The following KNTC1 variants were observed in gnomAD, a reference collection of about 807,000 sequenced individuals.
The protein encoded by KNTC1 is kinetochore-associated protein 1.
Under a neutral mutation model 314.4 loss-of-function variants are expected in KNTC1, and 253 were observed. The ratio of observed to expected loss-of-function variants is 0.80; its 90% CI spans 0.73 to 0.89. The LOEUF (loss-of-function observed/expected upper bound fraction) is 0.89, where lower values mean the gene tolerates loss of function less well. KNTC1 is among the 40% of genes least tolerant of loss of function. The pLI, the probability that KNTC1 is intolerant of heterozygous loss-of-function variation, is 0.00. For synonymous variants in KNTC1, 901 were observed against 901.4 expected, an observed-to-expected ratio of 1.00 and a Z score of 0.01; for missense variants, 2,475 against 2,572.9, an observed-to-expected ratio of 0.96 and a Z score of 0.82.
In KNTC1 at chr12:122,557,065, T is replaced by G. The variant is rs1651903237; in HGVS notation, c.1273-319T>G. On this transcript the variant is annotated intron_variant, in intron 16 of 63. Transcript: ENST00000333479. ...TTCTAGACTGAACAATATTTTACTG[T>G]GCAAATATACCACATTTTATTTATT... Among the ~76,000 whole-genome samples, 3 of 152,104 alleles carry G rather than the reference T, an allele frequency of 2.0e-5. No homozygotes were observed. The South Asian group carries it at 6.2e-4, about 32-fold the overall frequency.
At chr12:122,584,023 G>A (rs1868846440) in intron 34 of KNTC1, among the ~76,000 whole-genome samples, 1 of 152,128 alleles carries the variant, frequency 6.6e-6, no homozygotes, top group Non-Finnish European at 1.5e-5. Flanking sequence ...TACTTGGGAG[G>A]CTGAAGTGAG....
chr12:122,575,945 G>A (rs1490408492), intron 29 of KNTC1, 46 bp downstream of exon 29: 22 of 1,544,084 alleles, frequency 1.4e-5, no homozygotes, highest in Admixed American at 4.4e-5. Context: ...CATTTCTGGG[G>A]CAATATGGAA....
At chr12:122,600,307 C>A (rs974559606) in intron 44 of KNTC1, among the ~76,000 whole-genome samples, 1 of 152,146 alleles carries the variant, frequency 6.6e-6, no homozygotes, top group Non-Finnish European at 1.5e-5. Flanking sequence ...CCATGTTGGC[C>A]AGGCTGGTCT....
At chr12:122,617,502 G>T in intron 57 of KNTC1, 1 of 352,452 alleles carries the variant, frequency 2.8e-6, no homozygotes, top group Non-Finnish European at 5.8e-6. Context: ...GGGATTACAG[G>T]TGTGAGCCAC....
intron 52 of KNTC1, 79 bp from the exon 53 acceptor site, chr12:122,610,743 T>C (rs1374141320): frequency 1.8e-5 from 16 of 912,356 alleles, no homozygotes; most frequent in East Asian, 7.4e-5. Flanking sequence ...GACCGTTCCA[T>C]GGATAGAAAG....
intron 39 of KNTC1, 47 bp from the exon 40 acceptor site, chr12:122,588,665 T>A (rs2138028753): frequency 7.6e-7 from 1 of 1,309,390 alleles, no homozygotes; most frequent in Admixed American, 3.2e-5. Flanking sequence ...ATTTTCAGAA[T>A]GTTATATAGA....
At chr12:122,546,408 A>G (rs917828603) in intron 9 of KNTC1, 139 bp downstream of exon 9, 14 of 670,056 alleles carry the variant, frequency 2.1e-5, no homozygotes, top group Non-Finnish European at 3.4e-5. Flanking sequence ...GGTTGTTCAC[A>G]TACAGAACAG....
chr12:122,601,470 T>C (rs1467917642), intron 44 of KNTC1, 66 bp from the exon 45 acceptor site: 4 of 1,283,708 alleles, frequency 3.1e-6, no homozygotes, highest in Non-Finnish European at 4.3e-6. Context: ...CTGATTATTG[T>C]AATTGAATAA....
intron 3 of KNTC1, 50 bp from the exon 4 acceptor site, chr12:122,538,289 A>G (rs760642158): frequency 4.6e-6 from 5 of 1,088,716 alleles, no homozygotes; most frequent in Non-Finnish European, 6.7e-6. Context: ...TTTTGTATTG[A>G]AAATAAAGAT....
At chr12:122,527,704 T>G (rs1349607935) in intron 1 of KNTC1, 1 of 152,260 alleles carries the variant, frequency 6.6e-6, no homozygotes, top group Non-Finnish European at 1.5e-5. Context: ...TCCACTGCTC[T>G]CTCCCTCACT....
At chr12:122,580,512 G>A (rs1218223890) in intron 32 of KNTC1, 91 bp from the exon 33 acceptor site, 1 of 746,990 alleles carries the variant, frequency 1.3e-6, no homozygotes, top group Non-Finnish European at 2.3e-6. Flanking sequence ...TGAGATGAGA[G>A]AACCAAAGCT....
At chr12:122,546,112 C>T (rs2137739459) in intron 8 of KNTC1, 64 bp from the exon 9 acceptor site, 1 of 935,070 alleles carries the variant, frequency 1.1e-6, no homozygotes. Flanking sequence ...CATGTTTCTA[C>T]TTTGAGGAAG....
intron 1 of KNTC1, among the ~76,000 whole-genome samples, chr12:122,529,641 A>G (rs542046013): frequency 1.3e-5 from 2 of 152,342 alleles, no homozygotes; most frequent in South Asian, 4.1e-4. Flanking sequence ...GTTTGCTGCT[A>G]TTAAAGGTTT....
intron 31 of KNTC1, 44 bp from the exon 32 acceptor site, chr12:122,579,861 G>A (rs373315116): frequency 6.6e-6 from 9 of 1,373,956 alleles, no homozygotes; most frequent in African/African-American, 5.7e-5. Flanking sequence ...GAAGTGGTCA[G>A]AAAAGGAAGT....
chr12:122,591,186 G>A (rs7314410), intron 41 of KNTC1, 151 bp from the exon 42 acceptor site: 54,291 of 588,416 alleles, frequency 0.092, 3,051 homozygotes, highest in Middle Eastern at 0.15. Context: ...TAAATATTAC[G>A]TAAGAAGTAA....
chr12:122,583,186 C>T (rs1480807483), intron 34 of KNTC1, among the ~76,000 whole-genome samples: 1 of 152,054 alleles, frequency 6.6e-6, no homozygotes, highest in Non-Finnish European at 1.5e-5. Flanking sequence ...TGGCATGTGC[C>T]TATAGTCCCA....
At chr12:122,623,983 G>T (rs1052943512) in intron 62 of KNTC1, among the ~76,000 whole-genome samples, 1 of 152,058 alleles carries the variant, frequency 6.6e-6, no homozygotes, top group Non-Finnish European at 1.5e-5. Context: ...CAGGAGAATC[G>T]CTTGAACCCA....
intron 39 of KNTC1, among the ~76,000 whole-genome samples, chr12:122,588,442 T>C (rs1478236725): frequency 6.6e-6 from 1 of 152,186 alleles, no homozygotes; most frequent in Non-Finnish European, 1.5e-5. Flanking sequence ...TATTGAGGTA[T>C]AACTTTCAAA....
Position 122,575,516 on chromosome 12 carries a change from C to A in KNTC1, c.2383-27C>A, listed in dbSNP as rs1226097304. Reference sequence around the variant, plus strand: ...ATGCATCGTAAACCTGAGGGCTGTTCCTTGTCCATGCGTGCATCTTTTGTA... The same window carrying A: ...ATGCATCGTAAACCTGAGGGCTGTTACTTGTCCATGCGTGCATCTTTTGTA... On this transcript the variant is annotated intron_variant, in intron 27 of 63. Coordinates refer to ENST00000333479, the MANE Select transcript of KNTC1 (RefSeq NM_014708.6). 6 of 1,508,240 alleles carry A rather than the reference C, an allele frequency of 4.0e-6. No homozygotes were observed. In the South Asian group the frequency reaches 6.0e-5, roughly 15 times the overall value. 93.4% of individuals were successfully genotyped at this position (1,508,240 alleles called of 1,614,324 possible). A position where few individuals can be genotyped will look rare whatever the true frequency, so the allele number is the denominator to read the frequency against.
Sources: gnomAD v4.1 joint callset for allele counts (sites outside exome capture counted in the v4.1 genomes callset) on GRCh38, gnomAD v4.1.1 for gene constraint, MANE v1.5 for transcripts, NCBI Gene and HGNC (gene_info 2026-07-23, HGNC 2026-07-21) for gene names.